MGA: variants seen among roughly 807,000 people sequenced by gnomAD.
MGA encodes the protein MAX dimerization protein MGA.
A neutral mutation model predicts 261.1 loss-of-function variants in MGA; 40 were observed. The ratio of observed to expected loss-of-function variants is 0.15; its 90% CI spans 0.12 to 0.20. The LOEUF (loss-of-function observed/expected upper bound fraction) is 0.20. MGA is among the 10% of genes least tolerant of loss of function. The pLI, the probability that MGA is intolerant of heterozygous loss-of-function variation, is 1.00. For synonymous variants in MGA, 1,302 were observed against 1,290.6 expected (o/e 1.01, Z -0.19); for missense variants, 3,397 against 3,630.5 (o/e 0.94, Z 1.65).
upstream of MGA, among the ~76,000 whole-genome samples, chr15:41,657,498 C>T (rs976636973): frequency 4.0e-5 from 6 of 151,720 alleles, no homozygotes; most frequent in East Asian, 1.9e-4. Flanking sequence ...GGATTATGGG[C>T]GCACGCCACC....
chr15:41,736,783 A>T (rs953648674), intron 13 of MGA, 85 bp downstream of exon 13: 3 of 1,367,238 alleles, frequency 2.2e-6, no homozygotes, highest in Non-Finnish European at 2.9e-6. Flanking sequence ...TATGGTCCTG[A>T]TATCCTTTAT....
intron 12 of MGA, 97 bp from the exon 13 acceptor site, chr15:41,736,084 T>C: frequency 9.2e-7 from 1 of 1,082,908 alleles, no homozygotes; most frequent in Admixed American, 3.1e-5. Context: ...TGAAAGAACG[T>C]GAGAATGTGA....
chr15:41,664,094 A>G (rs1173842804), intron 1 of MGA, among the ~76,000 whole-genome samples: 1 of 152,200 alleles, frequency 6.6e-6, no homozygotes, highest in Non-Finnish European at 1.5e-5. Context: ...AATTCAATGC[A>G]TTTTCATCAA....
intron 1 of MGA, among the ~76,000 whole-genome samples, chr15:41,646,586 G>A (rs890250994): frequency 3.3e-5 from 5 of 151,920 alleles, no homozygotes; most frequent in Non-Finnish European, 7.4e-5. Flanking sequence ...GCCTCCCAAA[G>A]TTCTGGGATT....
chr15:41,624,998 C>G (rs1384408023), intron 1 of MGA, among the ~76,000 whole-genome samples: 1 of 151,994 alleles, frequency 6.6e-6, no homozygotes, highest in Non-Finnish European at 1.5e-5. Flanking sequence ...TCAGAATTAG[C>G]TTGGTGTGGT....
In MGA at chr15:41,718,975, T is replaced by G. The variant is rs143822086; in HGVS notation, c.3430+5479T>G. On this transcript the variant is annotated intron_variant, in intron 9 of 23. Coordinates refer to ENST00000219905, the MANE Select transcript of MGA (RefSeq NM_001164273.2). Reference sequence around the variant, plus strand: ...TGGAAAGGAAGAAGTAAAAATTGGCTTTATTCATGGATAGGAAAATCCTAG... The same window carrying G: ...TGGAAAGGAAGAAGTAAAAATTGGCGTTATTCATGGATAGGAAAATCCTAG... Among the ~76,000 whole-genome samples the G allele has an allele frequency of 5.6e-3, 858 of 152,212 alleles. 9 individuals are homozygous for G. The highest frequency in any genetic ancestry group is 0.02 in the African/African-American group (826 of 41,540).
Position 41,711,218 on chromosome 15 carries a change from C to G in MGA, c.2953C>G (p.Pro985Ala). 1 of 1,613,970 alleles carries G rather than the reference C, an allele frequency of 6.2e-7. No homozygotes were observed. The highest frequency in any genetic ancestry group is 8.5e-7 in the Non-Finnish European group (1 of 1,179,900). The stretch of plus-strand genomic sequence containing the variant: ...GCAGCAACAGCAACAGGGAAGTCGC[C>G]CTCCAGGCTTGTCTAAATCTCAGGT... Residue 985 changes from proline to alanine, a missense_variant, in exon 8 of 24, where the codon CCT (proline) becomes GCT (alanine). Transcript: ENST00000219905.
At chr15:41,756,825 C>T (rs1466214636) in intron 18 of MGA, among the ~76,000 whole-genome samples, 2 of 152,114 alleles carry the variant, frequency 1.3e-5, no homozygotes, top group Non-Finnish European at 2.9e-5. Context: ...AACTCCTGGC[C>T]TCAACCAGTC....
chr15:41,682,789 G>A (rs755598915), intron 2 of MGA, among the ~76,000 whole-genome samples: 4 of 152,010 alleles, frequency 2.6e-5, no homozygotes, highest in Non-Finnish European at 5.9e-5. Context: ...CCTCATGTAC[G>A]TTCTTTTGTG....
intron 2 of MGA, among the ~76,000 whole-genome samples, chr15:41,674,527 A>AT (rs577320137): frequency 1.4e-4 from 21 of 147,396 alleles, no homozygotes; most frequent in African/African-American, 4.0e-4. Context: ...TTTTATTTTT[A>AT]TTTTTTTTTT....
chr15:41,722,632 C>CTGTA (rs1462604169), intron 9 of MGA, among the ~76,000 whole-genome samples: 2 of 152,106 alleles, frequency 1.3e-5, no homozygotes, highest in East Asian at 3.8e-4. Flanking sequence ...ATGTATTGAG[C>CTGTA]TGTATACTGT....
At chr15:41,734,628 A>G in intron 12 of MGA, 34 bp downstream of exon 12, 1 of 1,462,818 alleles carries the variant, frequency 6.8e-7, no homozygotes, top group South Asian at 1.2e-5. Context: ...ACATTTGATA[A>G]AAATTATTTA....
intron 1 of MGA, chr15:41,621,680 G>A (rs925474260): frequency 2.2e-5 from 3 of 138,052 alleles, no homozygotes; most frequent in Non-Finnish European, 3.1e-5. Context: ...GAGTCTGGGT[G>A]TTTTTGTGCG....
intron 1 of MGA, among the ~76,000 whole-genome samples, chr15:41,644,392 A>G (rs1304229622): frequency 6.6e-6 from 1 of 150,406 alleles, no homozygotes; most frequent in Non-Finnish European, 1.5e-5. Flanking sequence ...GTGGTGGCTC[A>G]CATCTGTAAT....
At chr15:41,759,503 G>A (rs1306942728) in intron 19 of MGA, among the ~76,000 whole-genome samples, 1 of 125,256 alleles carries the variant, frequency 8.0e-6, no homozygotes, top group East Asian at 2.3e-4. Flanking sequence ...AAGTCTTACT[G>A]TGTTGCCTGT....
intron 11 of MGA, 99 bp downstream of exon 11, chr15:41,729,448 AG>A: frequency 8.4e-7 from 1 of 1,191,128 alleles, no homozygotes. Flanking sequence ...CCTACAGGGC[AG>A]AGAAGTCATA....
intron 9 of MGA, among the ~76,000 whole-genome samples, chr15:41,726,456 T>C (rs2918051): frequency 0.79 from 120,626 of 152,168 alleles, 48,247 homozygotes; most frequent in East Asian, 0.89. Flanking sequence ...TGACTAGGCA[T>C]GGTGGCTCAC....
chr15:41,753,325 G>C (rs1390674339), intron 17 of MGA, among the ~76,000 whole-genome samples: 2 of 151,326 alleles, frequency 1.3e-5, no homozygotes, highest in African/African-American at 4.9e-5. Context: ...CAGGAGAATC[G>C]TTTGAATCCC....
At chr15:41,697,911 C>G (rs2151314541) in intron 3 of MGA, among the ~76,000 whole-genome samples, 1 of 152,242 alleles carries the variant, frequency 6.6e-6, no homozygotes, top group Middle Eastern at 3.4e-3. Context: ...GTCTGTGGCT[C>G]ATGCTGGAGT....
Sources: allele counts gnomAD v4.1 joint callset (sites outside exome capture counted in the v4.1 genomes callset), GRCh38; gene constraint gnomAD v4.1.1; transcripts MANE v1.5; gene names NCBI Gene and HGNC (gene_info 2026-07-23, HGNC 2026-07-21).